Variants in EPHA6 observed in about 807,000 individuals in gnomAD.
EPHA6 encodes the protein EPH receptor A6, also known as ephrin type-A receptor 6.
In EPHA6, 50 loss-of-function variants were observed where a neutral mutation model predicts 112.0. That is an observed-to-expected ratio of 0.45 (90% CI 0.36 to 0.56). EPHA6 has a LOEUF of 0.56. Ranked by LOEUF, EPHA6 falls within the 20% of genes least tolerant of loss-of-function variation. The probability of loss-of-function intolerance (pLI) is 0.00; values close to 1 mark genes in which losing one functional copy is unlikely to be tolerated. For synonymous variants in EPHA6, 529 were observed against 490.7 expected, an observed-to-expected ratio of 1.08 and a Z score of -1.03; for missense variants, 1,280 against 1,417.4, an observed-to-expected ratio of 0.90 and a Z score of 1.56.
intron 1 of EPHA6, among the ~76,000 whole-genome samples, chr3:96,858,040 T>G (rs2035797300): frequency 6.6e-6 from 1 of 151,530 alleles, no homozygotes; most frequent in African/African-American, 2.4e-5. Flanking sequence ...ATTTCAGAAA[T>G]CAGCTGGAGA....
At chr3:97,303,921 G>A (rs1425196385) in intron 5 of EPHA6, among the ~76,000 whole-genome samples, 1 of 151,964 alleles carries the variant, frequency 6.6e-6, no homozygotes, top group East Asian at 1.9e-4. Flanking sequence ...ATTTCCTTGA[G>A]CAGTGATTTA....
intron 1 of EPHA6, among the ~76,000 whole-genome samples, chr3:96,859,383 ATTT>A (rs58615285): frequency 7.1e-6 from 1 of 140,916 alleles, no homozygotes; most frequent in Non-Finnish European, 1.6e-5. Flanking sequence ...ATAATGGTTA[ATTT>A]TTTTTTTTTT....
In EPHA6 at chr3:97,244,236, A is replaced by T. The variant is rs1576757606; in HGVS notation, c.1555A>T (p.Ser519Cys). 6.2e-7 allele frequency: 1 copy of T among 1,613,198 alleles called. No individual in the cohort carries two copies. Among genetic ancestry groups the T allele is most frequent in the African/African-American group, 1.3e-5 (1 of 74,980 alleles). ...IEAMNGVSEL[S>C]FSPKPFTAIT... The stretch of plus-strand genomic sequence containing the variant: ...AGCAATGAATGGAGTTTCTGAGTTG[A>T]GTTTTTCTCCCAAGCCATTCACAGC... The change falls in exon 5 of 18, where the codon AGT becomes TGT. Residue 519 changes from serine (S) to cysteine (C), a missense_variant. Physicochemically the swap from Ser to Cys is moderately radical, Grantham distance 112 (BLOSUM62 -1). Transcript: ENST00000389672.
intron 2 of EPHA6, among the ~76,000 whole-genome samples, chr3:96,903,498 T>C (rs1457998706): frequency 2.0e-5 from 3 of 152,192 alleles, no homozygotes; most frequent in African/African-American, 7.2e-5. Context: ...AGATTATTTG[T>C]ATTTTTATGG....
At chr3:97,644,138 T>G (rs1201875680) in intron 14 of EPHA6, among the ~76,000 whole-genome samples, 3 of 151,978 alleles carry the variant, frequency 2.0e-5, no homozygotes, top group Non-Finnish European at 4.4e-5. Context: ...AGAATCTCAC[T>G]CAAAACCGCT....
At chr3:96,835,623 G>C (rs1459093207) in intron 1 of EPHA6, among the ~76,000 whole-genome samples, 2 of 151,146 alleles carry the variant, frequency 1.3e-5, no homozygotes, top group Admixed American at 1.3e-4. Context: ...TGAATGCTAT[G>C]CTAAGTGGTT....
At chr3:96,857,451 T>C (rs1331146045) in intron 1 of EPHA6, among the ~76,000 whole-genome samples, 2 of 152,122 alleles carry the variant, frequency 1.3e-5, no homozygotes, top group African/African-American at 4.8e-5. Context: ...TCCTAACTCC[T>C]CTGCAATAGA....
At position 97,598,636 on chromosome 3, in the gene EPHA6, G is replaced by A. The variant is rs577926962; in HGVS notation, c.2512+5899G>A. On this transcript the variant is annotated intron_variant, in intron 12 of 17. Transcript: ENST00000389672. Reference sequence around the variant, plus strand: ...CTGCATAGTATTCCATGGTGTATATGTGCCACATTTTCTTAATCCAGTCTA... The same window carrying A: ...CTGCATAGTATTCCATGGTGTATATATGCCACATTTTCTTAATCCAGTCTA... 6.2e-4 allele frequency among the ~76,000 whole-genome samples: 95 copies of A among 152,018 alleles called. 1 individual carries two copies. The South Asian group carries it at 0.02, about 32-fold the overall frequency.
At chr3:97,639,702 T>C (rs1352098650) in intron 14 of EPHA6, among the ~76,000 whole-genome samples, 2 of 152,216 alleles carry the variant, frequency 1.3e-5, no homozygotes, top group Non-Finnish European at 1.5e-5. Flanking sequence ...TATGCATACG[T>C]AAGTTTTGTT....
intron 2 of EPHA6, among the ~76,000 whole-genome samples, chr3:96,897,318 G>A (rs2038335502): frequency 6.6e-6 from 1 of 151,770 alleles, no homozygotes; most frequent in Non-Finnish European, 1.5e-5. Flanking sequence ...TTCTTCTTAT[G>A]ACAAGTATAA....
At chr3:97,413,663 G>T (rs1464843366) in intron 6 of EPHA6, among the ~76,000 whole-genome samples, 1 of 151,946 alleles carries the variant, frequency 6.6e-6, no homozygotes, top group African/African-American at 2.4e-5. Context: ...AGCAGTTTTT[G>T]CATGGCTCAG....
At chr3:97,707,226 C>T (rs950529197) in intron 14 of EPHA6, among the ~76,000 whole-genome samples, 3 of 152,106 alleles carry the variant, frequency 2.0e-5, no homozygotes, top group Non-Finnish European at 4.4e-5. Flanking sequence ...AAGTCATCCT[C>T]CCAGCAAATA....
At chr3:97,050,643 T>G (rs2045656173) in intron 3 of EPHA6, among the ~76,000 whole-genome samples, 1 of 152,202 alleles carries the variant, frequency 6.6e-6, no homozygotes, top group Admixed American at 6.6e-5. Flanking sequence ...ATTTCTATGT[T>G]ATTCTCCAAT....
chr3:97,576,517 T>G (rs2093387074), intron 11 of EPHA6, among the ~76,000 whole-genome samples: 1 of 152,146 alleles, frequency 6.6e-6, no homozygotes, highest in South Asian at 2.1e-4. Flanking sequence ...AGCTTGTATT[T>G]TGGGGGTTAG....
chr3:97,245,817 A>T (rs1461489987), intron 5 of EPHA6, among the ~76,000 whole-genome samples: 6 of 151,842 alleles, frequency 4.0e-5, no homozygotes, highest in Non-Finnish European at 7.4e-5. Flanking sequence ...TACATACGTG[A>T]TAAATGGACA....
At chr3:97,160,347 G>A (rs1006326345) in intron 3 of EPHA6, among the ~76,000 whole-genome samples, 4 of 151,880 alleles carry the variant, frequency 2.6e-5, no homozygotes, top group African/African-American at 9.7e-5. Flanking sequence ...AGTGATCTCG[G>A]GTCACTACAA....
intron 5 of EPHA6, among the ~76,000 whole-genome samples, chr3:97,263,402 A>T (rs2079563346): frequency 6.6e-6 from 1 of 150,628 alleles, no homozygotes; most frequent in Admixed American, 6.7e-5. Context: ...AATTTTCATG[A>T]ATTTTTTTAC....
intron 10 of EPHA6, among the ~76,000 whole-genome samples, chr3:97,516,311 A>G (rs2092448140): frequency 6.6e-6 from 1 of 152,072 alleles, no homozygotes; most frequent in Non-Finnish European, 1.5e-5. Context: ...GCGTTGGTCT[A>G]CTCCTCCTAC....
intron 9 of EPHA6, chr3:97,481,272 TAATG>T (rs889339945): frequency 2.5e-5 from 38 of 1,494,938 alleles, no homozygotes; most frequent in Non-Finnish European, 1.8e-5. Context: ...ATTGAATAAA[TAATG>T]AATGTTTTCA....
Sources: gnomAD v4.1 joint callset for allele counts (sites outside exome capture counted in the v4.1 genomes callset) on GRCh38, gnomAD v4.1.1 for gene constraint, MANE v1.5 for transcripts, NCBI Gene and HGNC (gene_info 2026-07-23, HGNC 2026-07-21) for gene names.